The following ESRRB variants were observed in gnomAD, a reference collection of about 807,000 sequenced individuals.
The protein encoded by ESRRB is steroid hormone receptor ERR2.
A neutral mutation model predicts 46.0 loss-of-function variants in ESRRB; 16 were observed. The observed-to-expected ratio is 0.35, with a 90% CI of 0.24 to 0.53. The LOEUF is 0.53. Ranked by LOEUF, ESRRB falls within the 20% of genes least tolerant of loss-of-function variation. The pLI is 0.93. For missense variants in ESRRB, 488 were observed against 607.4 expected, an observed-to-expected ratio of 0.80 and a Z score of 2.07; for synonymous variants, 246 against 259.6, an observed-to-expected ratio of 0.95 and a Z score of 0.50.
intron 1 of ESRRB, among the ~76,000 whole-genome samples, chr14:76,391,722 A>G (rs1885477383): frequency 6.6e-6 from 1 of 152,202 alleles, no homozygotes; most frequent in Non-Finnish European, 1.5e-5. Context: ...AGAAGTTTAG[A>G]TACATTTTGA....
Position 76,499,316 on chromosome 14 carries a change from C to T in ESRRB, c.*858C>T. ...AGAACCCTCTCCCTCTTCCTGCCTT[C>T]CCCCTCTCCCTGAAGGGCAGGTCCA... is the stretch of plus-strand genomic sequence containing the variant. On this transcript the variant is annotated 3_prime_UTR_variant, in exon 7 of 7. Coordinates refer to ENST00000644823, the MANE Select transcript of ESRRB (RefSeq NM_001379180.1). 4.1e-6 allele frequency: 1 copy of T among 242,160 alleles called. No individual in the cohort carries two copies. The highest frequency in any genetic ancestry group is 6.0e-5 in the South Asian group (1 of 16,722). The allele number at this position is 242,160 out of a possible 1,614,324, so 15.0% of individuals were successfully genotyped here.
At chr14:76,459,369 G>A (rs1356892204) in intron 2 of ESRRB, among the ~76,000 whole-genome samples, 1 of 152,168 alleles carries the variant, frequency 6.6e-6, no homozygotes, top group Non-Finnish European at 1.5e-5. Flanking sequence ...GGACATTAAT[G>A]GGTTATCAGC....
At chr14:76,407,313 C>T (rs1248618996) in intron 1 of ESRRB, 1 of 152,704 alleles carries the variant, frequency 6.5e-6, no homozygotes, top group African/African-American at 2.4e-5. Flanking sequence ...CTAGCTGTCA[C>T]TTTTTAGTCA....
intron 1 of ESRRB, among the ~76,000 whole-genome samples, chr14:76,425,843 C>T (rs1887174549): frequency 6.6e-6 from 1 of 152,168 alleles, no homozygotes; most frequent in Non-Finnish European, 1.5e-5. Flanking sequence ...CCTACCTCAG[C>T]CTCCTGAGTA....
chr14:76,417,944 CTTTTTTTTTTTT>C (rs869242837), intron 1 of ESRRB, among the ~76,000 whole-genome samples: 1 of 91,366 alleles, frequency 1.1e-5, no homozygotes, highest in Non-Finnish European at 2.0e-5. Context: ...CTTTTACATA[CTTTTTTTTTTTT>C]TTTTTTTTTT....
chr14:76,328,450 C>T (rs1260021948), intron 1 of ESRRB, among the ~76,000 whole-genome samples: 1 of 152,198 alleles, frequency 6.6e-6, no homozygotes, highest in African/African-American at 2.4e-5. Flanking sequence ...AATCCACACA[C>T]AAGTGCCGCA....
At chr14:76,398,859 G>T (rs972372644) in intron 1 of ESRRB, among the ~76,000 whole-genome samples, 1 of 152,200 alleles carries the variant, frequency 6.6e-6, no homozygotes, top group Non-Finnish European at 1.5e-5. Context: ...GCCTAGGTCT[G>T]CCTGCCTCCT....
intron 1 of ESRRB, among the ~76,000 whole-genome samples, chr14:76,312,569 G>A (rs963151303): frequency 6.6e-6 from 1 of 151,324 alleles, no homozygotes; most frequent in Middle Eastern, 3.4e-3. Flanking sequence ...CACTATTTAA[G>A]ATCTAGTATA....
intron 1 of ESRRB, among the ~76,000 whole-genome samples, chr14:76,429,991 C>G (rs1595109226): frequency 6.6e-6 from 1 of 151,946 alleles, no homozygotes; most frequent in Non-Finnish European, 1.5e-5. Flanking sequence ...TGCCTTCCTG[C>G]CTTCCTGTCT....
At chr14:76,395,805 A>G (rs1017153425) in intron 1 of ESRRB, among the ~76,000 whole-genome samples, 7 of 137,258 alleles carry the variant, frequency 5.1e-5, no homozygotes, top group Non-Finnish European at 1.1e-4. Context: ...TCCACCTAAT[A>G]AAGACTAAAA....
chr14:76,344,714 T>C (rs2139754582), intron 1 of ESRRB, among the ~76,000 whole-genome samples: 1 of 152,244 alleles, frequency 6.6e-6, no homozygotes, highest in Non-Finnish European at 1.5e-5. Flanking sequence ...TAGCCAGGCA[T>C]GGTGGTGGGC....
chr14:76,388,040 G>A (rs1261829810), intron 1 of ESRRB, among the ~76,000 whole-genome samples: 2 of 152,070 alleles, frequency 1.3e-5, no homozygotes, highest in Non-Finnish European at 2.9e-5. Context: ...GTACAGAGAC[G>A]TTAAGTCATT....
intron 1 of ESRRB, among the ~76,000 whole-genome samples, chr14:76,356,172 G>A (rs552603358): frequency 6.6e-6 from 1 of 152,322 alleles, no homozygotes; most frequent in African/African-American, 2.4e-5. Flanking sequence ...AAGGGGCTAG[G>A]GTTTCTCTCT....
At chr14:76,438,992 T>A (rs1227410357) in intron 1 of ESRRB, among the ~76,000 whole-genome samples, 1 of 149,228 alleles carries the variant, frequency 6.7e-6, no homozygotes, top group East Asian at 2.0e-4. Context: ...ACAGATGGGG[T>A]CTCCCTATGT....
intron 3 of ESRRB, among the ~76,000 whole-genome samples, chr14:76,466,045 A>G (rs1484679983): frequency 6.6e-6 from 1 of 152,154 alleles, no homozygotes; most frequent in Non-Finnish European, 1.5e-5. Flanking sequence ...CTCTGCAGGC[A>G]AGGCCCAGGC....
rs1566615915 is a variant in ESRRB at position 76,491,496 on chromosome 14, C to T, written c.900C>T (p.Ala300=). Residue 300 remains alanine (A), a synonymous_variant, in exon 6 of 7, where the codon GCC becomes GCT. Transcript: ENST00000644823. The stretch of plus-strand genomic sequence containing the variant: ...ACCAGATGAGCCTGCTGCAGAGTGC[C>T]TGGATGGAAATCCTCATCCTGGGCA... ...LGDQMSLLQS[A]WMEILILGIV... is the part of the protein sequence containing the mutation. 1 of 1,605,462 alleles carries T rather than the reference C, an allele frequency of 6.2e-7. No individual in the cohort carries two copies. The highest frequency in any genetic ancestry group is 1.7e-5 in the Admixed American group (1 of 58,802).
chr14:76,425,247 A>C (rs1887147257), intron 1 of ESRRB, among the ~76,000 whole-genome samples: 1 of 152,202 alleles, frequency 6.6e-6, no homozygotes, highest in Non-Finnish European at 1.5e-5. Flanking sequence ...TGTAACTGGA[A>C]GCTCAGAGGG....
chr14:76,447,543 C>T lies in ESRRB; in HGVS notation c.460+7793C>T, dbSNP rs117807621. Among the ~76,000 whole-genome samples, 1,287 of 152,210 alleles carry T rather than the reference C, an allele frequency of 8.5e-3. 9 individuals are homozygous for T. The highest frequency in any genetic ancestry group is 0.027 in the Middle Eastern group (8 of 294). ...CTCCATTCCTTTCACACCTAATGAACATTTCCACTTGGATGCCCCAGAAGC... is the reference window on the plus strand; with the variant it reads ...CTCCATTCCTTTCACACCTAATGAATATTTCCACTTGGATGCCCCAGAAGC... On this transcript the variant is annotated intron_variant, in intron 2 of 6. Coordinates refer to ENST00000644823, the MANE Select transcript of ESRRB (RefSeq NM_001379180.1).
At chr14:76,387,445 C>A (rs1418558965) in intron 1 of ESRRB, among the ~76,000 whole-genome samples, 1 of 152,206 alleles carries the variant, frequency 6.6e-6, no homozygotes, top group African/African-American at 2.4e-5. Context: ...GGGGGTGAGC[C>A]TTCAGAAGCT....
Sources: allele counts gnomAD v4.1 joint callset (sites outside exome capture counted in the v4.1 genomes callset), GRCh38; gene constraint gnomAD v4.1.1; transcripts MANE v1.5; gene names NCBI Gene and HGNC (gene_info 2026-07-23, HGNC 2026-07-21).